PLD1: variants seen among roughly 807,000 people sequenced by gnomAD.
PLD1 encodes phospholipase D1.
Under a neutral mutation model 137.1 loss-of-function variants are expected in PLD1, and 112 were observed. The ratio of observed to expected loss-of-function variants is 0.82; its 90% CI spans 0.70 to 0.96. The LOEUF (loss-of-function observed/expected upper bound fraction) is 0.96. PLD1 is among the 40% of genes least tolerant of loss of function. PLD1 has a pLI of 0.00. For synonymous variants in PLD1, 431 were observed against 454.7 expected, an observed-to-expected ratio of 0.95 and a Z score of 0.66; for missense variants, 1,321 against 1,342.0, an observed-to-expected ratio of 0.98 and a Z score of 0.24.
chr3:171,739,889 A>G (rs934455256), intron 1 of PLD1, among the ~76,000 whole-genome samples: 1 of 152,174 alleles, frequency 6.6e-6, no homozygotes, highest in Non-Finnish European at 1.5e-5. Context: ...TTCTTTGTAG[A>G]TATGTAAGTG....
chr3:171,740,922 A>C (rs1164577538), intron 1 of PLD1, among the ~76,000 whole-genome samples: 1 of 152,234 alleles, frequency 6.6e-6, no homozygotes, highest in Admixed American at 6.5e-5. Context: ...TTTATAAAGC[A>C]GATTTTGTCT....
chr3:171,735,495 C>T lies in PLD1; in HGVS notation c.431G>A (p.Arg144Lys), dbSNP rs1253788087. ...KAFIRIPIPT[R>K]RHTFRRQNVR... is the part of the protein sequence containing the mutation. ...TAATTAATTCCAAAATGGTTACCTTCTAGTGGGAATGGGGATGCGGATAAA... is the reference window on the plus strand; with the variant it reads ...TAATTAATTCCAAAATGGTTACCTTTTAGTGGGAATGGGGATGCGGATAAA... Residue 144 changes from arginine (R) to lysine (K), a missense_variant, in exon 4 of 27, where the codon AGA becomes AAA. By Grantham distance (26) the Arg-to-Lys change is conservative. Transcript: ENST00000351298. The T allele has an allele frequency of 3.1e-6, 5 of 1,613,076 alleles. No homozygotes were observed. The highest frequency in any genetic ancestry group is 4.2e-6 in the Non-Finnish European group (5 of 1,179,082).
At chr3:171,794,527 T>C (rs773959484) in intron 1 of PLD1, among the ~76,000 whole-genome samples, 1 of 152,184 alleles carries the variant, frequency 6.6e-6, no homozygotes, top group African/African-American at 2.4e-5. Flanking sequence ...GAGGGTAGTT[T>C]CATACTGAAA....
intron 23 of PLD1, among the ~76,000 whole-genome samples, chr3:171,636,743 C>G (rs558143339): frequency 6.6e-6 from 1 of 151,880 alleles, no homozygotes; most frequent in Non-Finnish European, 1.5e-5. Context: ...GTTCCTTTCC[C>G]TTTAAAAAAT....
chr3:171,745,032 G>A (rs1297618761), intron 1 of PLD1, among the ~76,000 whole-genome samples: 1 of 152,136 alleles, frequency 6.6e-6, no homozygotes, highest in Non-Finnish European at 1.5e-5. Flanking sequence ...CTCTTTGGAC[G>A]ACCTTTTAAA....
At chr3:171,705,556 A>G (rs964120952) in intron 11 of PLD1, among the ~76,000 whole-genome samples, 5 of 152,242 alleles carry the variant, frequency 3.3e-5, no homozygotes, top group African/African-American at 1.2e-4. Context: ...TCCCTCTCAA[A>G]AAAAAGGGAA....
chr3:171,688,581 C>CTCTT (rs1714802852), intron 14 of PLD1, 95 bp downstream of exon 14: 6 of 975,618 alleles, frequency 6.1e-6, no homozygotes, highest in Non-Finnish European at 9.7e-6. Context: ...GAGACACCAT[C>CTCTT]TCTTATTCAA....
At chr3:171,650,755 A>G (rs1162458205) in intron 21 of PLD1, among the ~76,000 whole-genome samples, 2 of 152,066 alleles carry the variant, frequency 1.3e-5, no homozygotes, top group Non-Finnish European at 2.9e-5. Flanking sequence ...TGTATTAGCC[A>G]GGCGTGGTGG....
intron 1 of PLD1, among the ~76,000 whole-genome samples, chr3:171,752,316 C>T (rs1720722970): frequency 6.6e-6 from 1 of 152,064 alleles, no homozygotes; most frequent in Admixed American, 6.5e-5. Flanking sequence ...TAACCTTTAG[C>T]AAGAGAGGTG....
chr3:171,742,730 C>G (rs1578395516), intron 1 of PLD1, among the ~76,000 whole-genome samples: 1 of 152,164 alleles, frequency 6.6e-6, no homozygotes, highest in Non-Finnish European at 1.5e-5. Flanking sequence ...ATATCTGGAA[C>G]TGACTTGATG....
At chr3:171,715,394 C>A (rs1174845758) in intron 8 of PLD1, among the ~76,000 whole-genome samples, 1 of 152,110 alleles carries the variant, frequency 6.6e-6, no homozygotes, top group Non-Finnish European at 1.5e-5. Context: ...AGTGTAATGC[C>A]TCTAGCTTTG....
At chr3:171,700,998 A>G (rs543025809) in intron 11 of PLD1, among the ~76,000 whole-genome samples, 50 of 152,340 alleles carry the variant, frequency 3.3e-4, no homozygotes, top group Non-Finnish European at 6.0e-4. Context: ...GTCAGGATGA[A>G]AGCCTTATGG....
In PLD1 at chr3:171,735,915, G is replaced by A. The variant is rs535977725; in HGVS notation, c.289-278C>T. ...AACATATGTGCGTGTATGCATCCAC[G>A]CACACACACACCTGAAATGAAGAAC... is the stretch of plus-strand genomic sequence containing the variant. On this transcript the variant is annotated intron_variant, in intron 3 of 26. Coordinates refer to ENST00000351298, the MANE Select transcript of PLD1 (RefSeq NM_002662.5). Among the ~76,000 whole-genome samples, 7 of 152,120 alleles carry A rather than the reference G, an allele frequency of 4.6e-5. No individual in the cohort carries two copies. In the East Asian group the frequency reaches 9.7e-4, roughly 21 times the overall value.
At chr3:171,637,895 A>G (rs966102528) in intron 23 of PLD1, among the ~76,000 whole-genome samples, 1 of 152,114 alleles carries the variant, frequency 6.6e-6, no homozygotes, top group African/African-American at 2.4e-5. Context: ...TGATACACTT[A>G]ACCAGCTGGG....
At chr3:171,632,683 G>A (rs1209628206) in intron 23 of PLD1, among the ~76,000 whole-genome samples, 2 of 152,122 alleles carry the variant, frequency 1.3e-5, no homozygotes, top group Non-Finnish European at 2.9e-5. Flanking sequence ...TAACATCTGT[G>A]AAATTAGGAT....
intron 1 of PLD1, among the ~76,000 whole-genome samples, chr3:171,774,495 C>T (rs117721316): frequency 3.3e-5 from 5 of 152,126 alleles, no homozygotes; most frequent in Non-Finnish European, 7.4e-5. Context: ...TATGTCACAT[C>T]ATGGAGCAAA....
chr3:171,635,965 C>CTTTTTTTTTTTTTTTTTTT lies in PLD1; in HGVS notation c.2593+6856_2593+6874dup, dbSNP rs71178231. ...ATGGTATGAGGTAGGGGTTCAACTTCTTTTTTTTTTTTTTTTTTTTTTTTT... is the reference window on the plus strand; with the variant it reads ...ATGGTATGAGGTAGGGGTTCAACTTCTTTTTTTTTTTTTTTTTTTTTTTTTTTTTTTTTTTTTTTTTTTT... On this transcript the variant is annotated intron_variant, in intron 23 of 26. Transcript: ENST00000351298. 3.9e-4 allele frequency among the ~76,000 whole-genome samples: 19 copies of CTTTTTTTTTTTTTTTTTTT among 49,286 alleles called. 1 individual carries two copies. Among genetic ancestry groups the CTTTTTTTTTTTTTTTTTTT allele is most frequent in the Non-Finnish European group, 5.3e-4 (12 of 22,592 alleles). 32.3% of individuals were successfully genotyped at this position (49,286 alleles called of 152,430 possible).
chr3:171,757,490 T>C (rs1721108534), intron 1 of PLD1, among the ~76,000 whole-genome samples: 1 of 152,140 alleles, frequency 6.6e-6, no homozygotes, highest in Non-Finnish European at 1.5e-5. Flanking sequence ...GCTGGGCAAT[T>C]GTTGGAAAAG....
At chr3:171,718,319 C>T (rs930059090) in intron 8 of PLD1, among the ~76,000 whole-genome samples, 6 of 152,166 alleles carry the variant, frequency 3.9e-5, no homozygotes, top group African/African-American at 1.4e-4. Context: ...AAATAGCCTA[C>T]CAACCAAAAT....
Sources: gnomAD v4.1 joint callset for allele counts (sites outside exome capture counted in the v4.1 genomes callset) on GRCh38, gnomAD v4.1.1 for gene constraint, MANE v1.5 for transcripts, NCBI Gene and HGNC (gene_info 2026-07-23, HGNC 2026-07-21) for gene names.